BCAT1: variants seen among roughly 807,000 people sequenced by gnomAD.
The protein encoded by BCAT1 is branched-chain-amino-acid aminotransferase, cytosolic.
BCAT1 carries 48 observed loss-of-function variants against 52.4 expected under a neutral mutation model. That is an observed-to-expected ratio of 0.92 (90% CI 0.73 to 1.16). The LOEUF is 1.16. Among genes scored for constraint, BCAT1 ranks in the 50% most tolerant of loss-of-function variants. The pLI is 0.00. For missense variants in BCAT1, 451 were observed against 457.1 expected (o/e 0.99, Z 0.12); for synonymous variants, 167 against 161.3 (o/e 1.04, Z -0.27).
chr12:24,929,506 A>C (rs562761018), intron 1 of BCAT1, among the ~76,000 whole-genome samples: 8 of 152,322 alleles, frequency 5.3e-5, no homozygotes, highest in African/African-American at 1.7e-4. Context: ...GTCTTTTTGT[A>C]AACAAAATTT....
At chr12:24,856,101 C>T (rs1465807650) in intron 5 of BCAT1, among the ~76,000 whole-genome samples, 1 of 152,148 alleles carries the variant, frequency 6.6e-6, no homozygotes, top group African/African-American at 2.4e-5. Flanking sequence ...AACCTCTGCA[C>T]CTTACATGTA....
intron 10 of BCAT1, among the ~76,000 whole-genome samples, chr12:24,823,235 TTTGTTTG>T (rs1311623130): frequency 9.4e-5 from 9 of 96,200 alleles, no homozygotes; most frequent in Non-Finnish European, 6.9e-5. Context: ...TGTTTGTTTG[TTTGTTTG>T]TTTGCATTTT....
intron 1 of BCAT1, among the ~76,000 whole-genome samples, chr12:24,907,230 C>T (rs1943239843): frequency 6.6e-6 from 1 of 152,220 alleles, no homozygotes; most frequent in Non-Finnish European, 1.5e-5. Flanking sequence ...TTGTTCAGTC[C>T]CTGTGCCATG....
intron 10 of BCAT1, among the ~76,000 whole-genome samples, chr12:24,825,378 C>G (rs970231544): frequency 6.6e-6 from 1 of 151,962 alleles, no homozygotes; most frequent in Non-Finnish European, 1.5e-5. Flanking sequence ...ATACTGTTCT[C>G]CATAGTGGCT....
At chr12:24,886,274 T>C (rs1019766050) in intron 3 of BCAT1, among the ~76,000 whole-genome samples, 3 of 152,028 alleles carry the variant, frequency 2.0e-5, no homozygotes, top group Non-Finnish European at 2.9e-5. Flanking sequence ...AAAAATTAGC[T>C]GAGCATGGTG....
At chr12:24,930,886 G>A (rs1401144804) in intron 1 of BCAT1, among the ~76,000 whole-genome samples, 1 of 146,336 alleles carries the variant, frequency 6.8e-6, no homozygotes, top group Non-Finnish European at 1.5e-5. Flanking sequence ...AGCCTCAGTG[G>A]AACAGGGCCC....
intron 1 of BCAT1, among the ~76,000 whole-genome samples, chr12:24,938,003 G>T (rs1393214508): frequency 1.3e-5 from 2 of 152,196 alleles, no homozygotes; most frequent in Admixed American, 1.3e-4. Context: ...AAGGGATTAA[G>T]ATGCCAGGAA....
At chr12:24,860,187 T>C (rs1238957956) in intron 5 of BCAT1, among the ~76,000 whole-genome samples, 1 of 152,170 alleles carries the variant, frequency 6.6e-6, no homozygotes, top group Non-Finnish European at 1.5e-5. Context: ...AAATGCAGGT[T>C]TCTGAAAAAT....
intron 10 of BCAT1, among the ~76,000 whole-genome samples, chr12:24,826,138 G>A (rs1048988843): frequency 1.3e-5 from 2 of 152,144 alleles, no homozygotes; most frequent in African/African-American, 4.8e-5. Context: ...CTTGAGCCCA[G>A]GAGGTCAATG....
At chr12:24,818,355 T>C (rs973304249) in intron 10 of BCAT1, among the ~76,000 whole-genome samples, 2 of 152,192 alleles carry the variant, frequency 1.3e-5, no homozygotes, top group Non-Finnish European at 2.9e-5. Flanking sequence ...GTCCTTTATC[T>C]ATTTAGGTAC....
At chr12:24,861,133 C>T (rs1345130394) in intron 5 of BCAT1, among the ~76,000 whole-genome samples, 1 of 152,178 alleles carries the variant, frequency 6.6e-6, no homozygotes, top group Non-Finnish European at 1.5e-5. Context: ...CAACTCTAGT[C>T]CCATTCATTG....
At chr12:24,864,832 C>T (rs765817292) in intron 5 of BCAT1, among the ~76,000 whole-genome samples, 1 of 152,150 alleles carries the variant, frequency 6.6e-6, no homozygotes, top group African/African-American at 2.4e-5. Context: ...CTAACACATG[C>T]TTATCAAGAT....
In BCAT1 at chr12:24,854,206, C is replaced by T. The variant is rs192131784; in HGVS notation, c.511-4257G>A. 7.9e-5 allele frequency among the ~76,000 whole-genome samples: 12 copies of T among 152,270 alleles called. No homozygotes were observed. The East Asian group carries it at 1.5e-3, about 20-fold the overall frequency. On this transcript the variant is annotated intron_variant, in intron 5 of 10. Transcript: ENST00000261192. ...AGGATTTCAGAGGTGATTTGAATGA[C>T]GGCAGGAAAGAGCTCAGTGAGCTGA...
At chr12:24,834,494 G>A (rs1262587785) in intron 8 of BCAT1, 5 of 977,690 alleles carry the variant, frequency 5.1e-6, no homozygotes, top group Admixed American at 1.2e-4. Context: ...TTGTCAACAA[G>A]TTATTTGAAT....
At chr12:24,838,397 G>A (rs977048363) in intron 7 of BCAT1, among the ~76,000 whole-genome samples, 1 of 151,972 alleles carries the variant, frequency 6.6e-6, no homozygotes. Context: ...AATGTTCTTA[G>A]GGCTACTCTT....
At chr12:24,865,997 T>A (rs1022362355) in intron 5 of BCAT1, among the ~76,000 whole-genome samples, 1 of 152,240 alleles carries the variant, frequency 6.6e-6, no homozygotes, top group Non-Finnish European at 1.5e-5. Context: ...CCCTTCAGCC[T>A]GCCGCTGCAC....
chr12:24,877,044 G>A (rs1325596676), intron 5 of BCAT1, among the ~76,000 whole-genome samples: 2 of 152,062 alleles, frequency 1.3e-5, no homozygotes, highest in Admixed American at 6.6e-5. Flanking sequence ...TTTAAAACTT[G>A]TCAGAGAGAC....
intron 10 of BCAT1, among the ~76,000 whole-genome samples, chr12:24,825,399 T>C (rs7956863): frequency 0.61 from 91,955 of 151,804 alleles, 28,604 homozygotes; most frequent in East Asian, 0.83. Flanking sequence ...GTACTATTTA[T>C]ATTTCAACCA....
intron 8 of BCAT1, chr12:24,834,118 G>A (rs1940819927): frequency 3.1e-6 from 3 of 976,974 alleles, no homozygotes; most frequent in Non-Finnish European, 3.6e-6. Context: ...GAGCCACTGT[G>A]CACGGCTTAC....
Sources: gnomAD v4.1 joint callset for allele counts (sites outside exome capture counted in the v4.1 genomes callset) on GRCh38, gnomAD v4.1.1 for gene constraint, MANE v1.5 for transcripts, NCBI Gene and HGNC (gene_info 2026-07-23, HGNC 2026-07-21) for gene names.